THSD4: variants seen among roughly 807,000 people sequenced by gnomAD.
THSD4 encodes the protein thrombospondin type 1 domain containing 4.
Under a neutral mutation model 119.0 loss-of-function variants are expected in THSD4, and 69 were observed. That is an observed-to-expected ratio of 0.58 (90% CI 0.48 to 0.71). The LOEUF is 0.71. Ranked by LOEUF, THSD4 falls within the 30% of genes least tolerant of loss-of-function variation. THSD4 has a pLI of 0.00. For missense variants in THSD4, 1,393 were observed against 1,391.1 expected, an observed-to-expected ratio of 1.00 and a Z score of -0.02; for synonymous variants, 524 against 540.4, an observed-to-expected ratio of 0.97 and a Z score of 0.42.
chr15:71,737,924 C>A lies in THSD4; in HGVS notation c.1823C>A (p.Pro608Gln). 1 of 1,614,214 alleles carries A rather than the reference C, an allele frequency of 6.2e-7. No individual in the cohort carries two copies. The highest frequency in any genetic ancestry group is 8.5e-7 in the Non-Finnish European group (1 of 1,180,018). The change falls in exon 11 of 18, where the codon CCA (proline) becomes CAA (glutamine). Residue 608 changes from proline (P) to glutamine (Q), a missense_variant. By Grantham distance (76) the Pro-to-Gln change is moderately conservative (BLOSUM62 -1). Transcript: ENST00000261862. ...SPHRPDNLVP[P>Q]APQPPRRSRD... ...CATCGACCGGACAACTTGGTGCCAC[C>A]AGCACCGCAGCCCCCACGGCGCAGC...
chr15:71,141,326 C>A, intron 1 of THSD4, 123 bp from the exon 2 acceptor site: 1 of 558,510 alleles, frequency 1.8e-6, no homozygotes. Flanking sequence ...TCCTGGGAAC[C>A]ATAACTGGGC....
At chr15:71,761,292 T>A (rs1006541411) in intron 15 of THSD4, among the ~76,000 whole-genome samples, 1 of 152,136 alleles carries the variant, frequency 6.6e-6, no homozygotes, top group African/African-American at 2.4e-5. Context: ...CTTTTATGTC[T>A]CCATTAGTGT....
At chr15:71,327,832 C>A (rs1304191141) in intron 6 of THSD4, among the ~76,000 whole-genome samples, 1 of 152,162 alleles carries the variant, frequency 6.6e-6, no homozygotes, top group Non-Finnish European at 1.5e-5. Context: ...TATATAGTGA[C>A]CTGCTTGCAA....
chr15:71,391,973 C>T (rs2046384735), intron 6 of THSD4, among the ~76,000 whole-genome samples: 1 of 152,134 alleles, frequency 6.6e-6, no homozygotes, highest in Admixed American at 6.5e-5. Flanking sequence ...TGAAATGCAG[C>T]CAAAATGCCG....
chr15:71,360,804 C>G (rs994059231), intron 6 of THSD4, among the ~76,000 whole-genome samples: 1 of 152,182 alleles, frequency 6.6e-6, no homozygotes, highest in Non-Finnish European at 1.5e-5. Flanking sequence ...TCAGTCAGCA[C>G]TGAAGGTGCC....
chr15:71,470,277 G>A (rs2047556492), intron 7 of THSD4, among the ~76,000 whole-genome samples: 1 of 152,106 alleles, frequency 6.6e-6, no homozygotes, highest in Admixed American at 6.6e-5. Context: ...AAACCTGATA[G>A]TTTGTTGGAG....
intron 7 of THSD4, among the ~76,000 whole-genome samples, chr15:71,573,750 A>C (rs1414400114): frequency 6.6e-6 from 1 of 152,192 alleles, no homozygotes; most frequent in Non-Finnish European, 1.5e-5. Flanking sequence ...TTTCTGAAGG[A>C]TTATGAGCTA....
chr15:71,277,011 G>A (rs949355142), intron 6 of THSD4, among the ~76,000 whole-genome samples: 4 of 151,814 alleles, frequency 2.6e-5, no homozygotes, highest in Admixed American at 2.0e-4. Flanking sequence ...TGATGGCTGT[G>A]TATTAAATAG....
At chr15:71,295,192 C>T (rs139650503) in intron 6 of THSD4, among the ~76,000 whole-genome samples, 1 of 152,252 alleles carries the variant, frequency 6.6e-6, no homozygotes, top group African/African-American at 2.4e-5. Flanking sequence ...ACTGGTCCTG[C>T]AGTGATCCTG....
chr15:71,741,385 C>T (rs1011810193), intron 11 of THSD4, among the ~76,000 whole-genome samples: 2 of 151,918 alleles, frequency 1.3e-5, no homozygotes, highest in Non-Finnish European at 2.9e-5. Flanking sequence ...CCCAGCTACT[C>T]GGGAGGCTGA....
At chr15:71,275,338 C>G (rs1421684868) in intron 6 of THSD4, among the ~76,000 whole-genome samples, 1 of 152,194 alleles carries the variant, frequency 6.6e-6, no homozygotes, top group Non-Finnish European at 1.5e-5. Context: ...TCCAGGAAAT[C>G]CTGGGTCTCT....
At chr15:71,232,600 G>A (rs1208840587) in intron 4 of THSD4, among the ~76,000 whole-genome samples, 1 of 152,108 alleles carries the variant, frequency 6.6e-6, no homozygotes, top group Non-Finnish European at 1.5e-5. Context: ...CCAGGAGGGA[G>A]TCTTGCCGCA....
intron 6 of THSD4, among the ~76,000 whole-genome samples, chr15:71,378,692 T>C (rs2046184030): frequency 6.6e-6 from 1 of 152,242 alleles, no homozygotes; most frequent in South Asian, 2.1e-4. Flanking sequence ...TTAAAGCATA[T>C]TTTTTAATGA....
At chr15:71,663,672 CAT>C (rs2051357336) in intron 8 of THSD4, among the ~76,000 whole-genome samples, 1 of 152,176 alleles carries the variant, frequency 6.6e-6, no homozygotes, top group Non-Finnish European at 1.5e-5. Context: ...TGCTTGAGAT[CAT>C]GTAGAAACCA....
At chr15:71,642,790 G>C (rs2050887933) in intron 7 of THSD4, among the ~76,000 whole-genome samples, 1 of 151,780 alleles carries the variant, frequency 6.6e-6, no homozygotes, top group Non-Finnish European at 1.5e-5. Context: ...TCACACTCTG[G>C]GGACTGTTGT....
intron 4 of THSD4, among the ~76,000 whole-genome samples, chr15:71,225,796 C>T (rs983286599): frequency 6.6e-6 from 1 of 152,036 alleles, no homozygotes; most frequent in Non-Finnish European, 1.5e-5. Flanking sequence ...TTGTCTTGGC[C>T]TCCCAGAGTG....
chr15:71,284,869 A>G (rs1445131101), intron 6 of THSD4, among the ~76,000 whole-genome samples: 1 of 152,206 alleles, frequency 6.6e-6, no homozygotes, highest in African/African-American at 2.4e-5. Flanking sequence ...AACACTAGTC[A>G]TGACCTACCC....
chr15:71,753,623 A>G (rs545688419), intron 14 of THSD4, among the ~76,000 whole-genome samples: 1 of 152,352 alleles, frequency 6.6e-6, no homozygotes, highest in East Asian at 1.9e-4. Flanking sequence ...TCCTCTTCTG[A>G]CTAGCAAAGC....
chr15:71,591,922 G>A (rs1009895507), intron 7 of THSD4, among the ~76,000 whole-genome samples: 2 of 152,132 alleles, frequency 1.3e-5, no homozygotes, highest in Non-Finnish European at 1.5e-5. Flanking sequence ...TGGGCCTGAT[G>A]GGTGACAGGC....
Sources: gnomAD v4.1 joint callset for allele counts (sites outside exome capture counted in the v4.1 genomes callset) on GRCh38, gnomAD v4.1.1 for gene constraint, MANE v1.5 for transcripts, NCBI Gene and HGNC (gene_info 2026-07-23, HGNC 2026-07-21) for gene names.